UBE2E2: variants seen among roughly 807,000 people sequenced by gnomAD.
UBE2E2 encodes ubiquitin-conjugating enzyme E2 E2.
Under a neutral mutation model 24.7 loss-of-function variants are expected in UBE2E2, and 6 were observed. That is an observed-to-expected ratio of 0.24 (90% CI 0.13 to 0.48). UBE2E2 has a LOEUF of 0.48. Ranked by LOEUF, UBE2E2 falls within the 20% of genes least tolerant of loss-of-function variation. The pLI, the probability that UBE2E2 is intolerant of heterozygous loss-of-function variation, is 0.99. For missense variants in UBE2E2, 169 were observed against 245.0 expected, an observed-to-expected ratio of 0.69 and a Z score of 2.07; for synonymous variants, 104 against 83.6, an observed-to-expected ratio of 1.24 and a Z score of -1.33.
rs185416097 is a variant in UBE2E2, at chr3:23,304,448, A to G, written c.227+87136A>G. On this transcript the variant is annotated intron_variant, in intron 3 of 5. Transcript: ENST00000396703. ...TAAAATTTGTTTAAAATATTACTAA[A>G]CTCATGTTAATGTAAATATATTATG... Among the ~76,000 whole-genome samples the G allele has an allele frequency of 5.3e-5, 8 of 152,278 alleles. No individual in the cohort carries two copies. In the East Asian group the frequency reaches 1.2e-3, roughly 22 times the overall value.
chr3:23,341,214 A>G (rs1000121681), intron 3 of UBE2E2, among the ~76,000 whole-genome samples: 2 of 152,142 alleles, frequency 1.3e-5, no homozygotes, highest in African/African-American at 4.8e-5. Flanking sequence ...GGAAGCAACA[A>G]ATTATCTTAT....
intron 3 of UBE2E2, among the ~76,000 whole-genome samples, chr3:23,322,529 G>A (rs540596212): frequency 8.5e-5 from 13 of 152,114 alleles, no homozygotes; most frequent in Middle Eastern, 3.4e-3. Flanking sequence ...AAGCTTCATA[G>A]TCTATATCTT....
intron 5 of UBE2E2, chr3:23,534,297 A>C: frequency 2.2e-5 from 21 of 952,540 alleles, no homozygotes; most frequent in Non-Finnish European, 2.5e-5. Context: ...GCCTTCTCTC[A>C]GCAATCAAAA....
At chr3:23,572,071 A>G (rs1289877164) in intron 5 of UBE2E2, among the ~76,000 whole-genome samples, 1 of 152,198 alleles carries the variant, frequency 6.6e-6, no homozygotes, top group Non-Finnish European at 1.5e-5. Flanking sequence ...TTGATTCTGA[A>G]GCAGTAGCAC....
At chr3:23,349,669 C>T (rs1209593456) in intron 3 of UBE2E2, among the ~76,000 whole-genome samples, 3 of 152,194 alleles carry the variant, frequency 2.0e-5, no homozygotes, top group Non-Finnish European at 2.9e-5. Flanking sequence ...GAGGCAGCAG[C>T]GAGGCTAGGG....
At chr3:23,558,939 A>T (rs545697546) in intron 5 of UBE2E2, among the ~76,000 whole-genome samples, 14 of 152,304 alleles carry the variant, frequency 9.2e-5, no homozygotes, top group African/African-American at 3.4e-4. Flanking sequence ...TGCTAAAAAT[A>T]AATTGTATAG....
intron 4 of UBE2E2, among the ~76,000 whole-genome samples, chr3:23,523,500 A>G (rs1694915668): frequency 1.3e-5 from 2 of 151,300 alleles, no homozygotes; most frequent in Non-Finnish European, 2.9e-5. Flanking sequence ...TCTAGCATGT[A>G]GTTAGTATTC....
At chr3:23,421,423 TAA>T (rs1238339243) in intron 3 of UBE2E2, among the ~76,000 whole-genome samples, 1 of 152,158 alleles carries the variant, frequency 6.6e-6, no homozygotes, top group African/African-American at 2.4e-5. Flanking sequence ...TATTCAGCCA[TAA>T]AAAAGAATGA....
chr3:23,318,105 T>C (rs967372870), intron 3 of UBE2E2, among the ~76,000 whole-genome samples: 5 of 152,132 alleles, frequency 3.3e-5, no homozygotes, highest in Admixed American at 3.3e-4. Context: ...CAAGCTTCTC[T>C]AGTGTGTTTA....
intron 3 of UBE2E2, among the ~76,000 whole-genome samples, chr3:23,301,745 G>A (rs1467936437): frequency 1.3e-5 from 2 of 152,180 alleles, no homozygotes; most frequent in African/African-American, 4.8e-5. Context: ...CCCACTTGAG[G>A]AGGCAGTCTG....
intron 4 of UBE2E2, among the ~76,000 whole-genome samples, chr3:23,510,483 C>T (rs771788037): frequency 2.0e-5 from 3 of 151,784 alleles, no homozygotes; most frequent in African/African-American, 4.8e-5. Flanking sequence ...GGCACACGCC[C>T]GTAATCCCAG....
chr3:23,268,136 G>A (rs1195389800), intron 3 of UBE2E2, among the ~76,000 whole-genome samples: 9 of 151,452 alleles, frequency 5.9e-5, no homozygotes, highest in South Asian at 2.1e-4. Context: ...TTCCCTTTGA[G>A]AACTGGCACA....
At chr3:23,506,382 A>G (rs546011164) in intron 4 of UBE2E2, among the ~76,000 whole-genome samples, 3 of 152,316 alleles carry the variant, frequency 2.0e-5, no homozygotes, top group South Asian at 2.1e-4. Flanking sequence ...AGTCTTCCCC[A>G]TATCAATGAA....
intron 3 of UBE2E2, among the ~76,000 whole-genome samples, chr3:23,452,837 A>G (rs1024017884): frequency 6.6e-6 from 1 of 152,214 alleles, no homozygotes; most frequent in African/African-American, 2.4e-5. Flanking sequence ...TAACAGAGTT[A>G]GGATGGACAA....
intron 4 of UBE2E2, among the ~76,000 whole-genome samples, chr3:23,520,972 T>C (rs1694850200): frequency 6.6e-6 from 1 of 152,196 alleles, no homozygotes. Context: ...TGTTTAAATA[T>C]AGTTTACTTC....
At chr3:23,224,676 T>C (rs1218064563) in intron 3 of UBE2E2, among the ~76,000 whole-genome samples, 1 of 152,176 alleles carries the variant, frequency 6.6e-6, no homozygotes, top group Non-Finnish European at 1.5e-5. Flanking sequence ...CTGGCCTTTG[T>C]TCCTACTTGT....
chr3:23,524,865 G>GACACACAGACACACACAC lies in UBE2E2; in HGVS notation c.361-7682_361-7681insGACACACACACACACACA, dbSNP rs780602583. Among the ~76,000 whole-genome samples, 177 of 147,530 alleles carry GACACACAGACACACACAC rather than the reference G, an allele frequency of 1.2e-3. 1 individual carries two copies. Among genetic ancestry groups the GACACACAGACACACACAC allele is most frequent in the African/African-American group, 4.2e-3 (170 of 40,070 alleles). On this transcript the variant is annotated intron_variant, in intron 4 of 5. Coordinates refer to ENST00000396703, the MANE Select transcript of UBE2E2 (RefSeq NM_152653.4). ...AGATACAGATACACACAGACACACAGACACACACACACACACACACACACA... is the reference window on the plus strand; with the variant it reads ...AGATACAGATACACACAGACACACAGACACACAGACACACACACACACACACACACACACACACACACA...
chr3:23,364,528 A>G (rs181570349), intron 3 of UBE2E2, among the ~76,000 whole-genome samples: 3 of 152,312 alleles, frequency 2.0e-5, no homozygotes, highest in African/African-American at 7.2e-5. Context: ...ATCTGAAAGA[A>G]ATGGATAAAT....
intron 3 of UBE2E2, among the ~76,000 whole-genome samples, chr3:23,441,553 AAG>A (rs1491083359): frequency 1.5e-4 from 22 of 151,190 alleles, no homozygotes; most frequent in African/African-American, 5.3e-4. Context: ...AAAAAAAAAA[AAG>A]AATTGGGTAA....
Sources: gnomAD v4.1 joint callset for allele counts (sites outside exome capture counted in the v4.1 genomes callset) on GRCh38, gnomAD v4.1.1 for gene constraint, MANE v1.5 for transcripts, NCBI Gene and HGNC (gene_info 2026-07-23, HGNC 2026-07-21) for gene names.